TNIK: variants seen among roughly 807,000 people sequenced by gnomAD.
The protein encoded by TNIK is TRAF2 and NCK interacting kinase.
In TNIK, 49 loss-of-function variants were observed where a neutral mutation model predicts 191.3. That is an observed-to-expected ratio of 0.26 (90% confidence interval 0.20 to 0.32). TNIK has a LOEUF of 0.32. Ranked by LOEUF, TNIK falls within the 10% of genes least tolerant of loss-of-function variation. The pLI, the probability that TNIK is intolerant of heterozygous loss-of-function variation, is 1.00. For synonymous variants in TNIK, 594 were observed against 600.9 expected, an observed-to-expected ratio of 0.99 and a Z score of 0.17; for missense variants, 1,155 against 1,702.3, an observed-to-expected ratio of 0.68 and a Z score of 5.66.
chr3:171,327,002 A>C (rs1755845503), intron 2 of TNIK, among the ~76,000 whole-genome samples: 1 of 152,214 alleles, frequency 6.6e-6, no homozygotes, highest in Admixed American at 6.5e-5. Flanking sequence ...CAATAATGCA[A>C]GAAGCATTGT....
At chr3:171,192,446 C>T (rs1020158396) in intron 5 of TNIK, among the ~76,000 whole-genome samples, 6 of 152,142 alleles carry the variant, frequency 3.9e-5, no homozygotes, top group African/African-American at 1.4e-4. Flanking sequence ...AATGTCTCTT[C>T]CAGTGAGTCA....
At chr3:171,273,570 G>A (rs776752617) in intron 2 of TNIK, among the ~76,000 whole-genome samples, 76 of 152,076 alleles carry the variant, frequency 5.0e-4, no homozygotes, top group Admixed American at 3.8e-3. Context: ...GTATTTTCAC[G>A]CATGGATAGT....
chr3:171,141,634 C>T (rs904605400), intron 12 of TNIK, among the ~76,000 whole-genome samples: 27 of 151,986 alleles, frequency 1.8e-4, no homozygotes, highest in African/African-American at 6.5e-4. Context: ...TGGCATTTAC[C>T]ATGAGAGGCT....
chr3:171,199,353 C>T (rs1739129956), intron 4 of TNIK, among the ~76,000 whole-genome samples: 1 of 152,178 alleles, frequency 6.6e-6, no homozygotes, highest in Non-Finnish European at 1.5e-5. Context: ...CAGAGCTCAA[C>T]ATGCCAAGCT....
intron 1 of TNIK, among the ~76,000 whole-genome samples, chr3:171,389,006 T>C (rs1047374024): frequency 5.5e-4 from 84 of 152,366 alleles, no homozygotes; most frequent in African/African-American, 2.0e-3. Flanking sequence ...GTATACTTAC[T>C]ATGTGCTAAG....
intron 16 of TNIK, among the ~76,000 whole-genome samples, chr3:171,128,218 C>T (rs549120811): frequency 1.4e-4 from 21 of 152,210 alleles, no homozygotes; most frequent in Non-Finnish European, 2.2e-4. Flanking sequence ...CTATCAAGTT[C>T]CTGGGTGATG....
intron 18 of TNIK, among the ~76,000 whole-genome samples, chr3:171,123,340 G>A (rs760261910): frequency 3.9e-5 from 6 of 152,160 alleles, no homozygotes; most frequent in East Asian, 3.8e-4. Context: ...AAAACTGTCC[G>A]CTAAGGTACA....
chr3:171,155,716 G>C (rs1258672635), intron 12 of TNIK, among the ~76,000 whole-genome samples: 1 of 152,238 alleles, frequency 6.6e-6, no homozygotes, highest in Non-Finnish European at 1.5e-5. Flanking sequence ...TCAAAGGCGA[G>C]CATCTGTTGG....
chr3:171,320,168 G>T (rs565383062), intron 2 of TNIK, among the ~76,000 whole-genome samples: 1 of 152,122 alleles, frequency 6.6e-6, no homozygotes, highest in African/African-American at 2.4e-5. Flanking sequence ...ACCCTTCCAC[G>T]TTGGCCTATT....
chr3:171,253,281 C>CAAA (rs5854409), intron 2 of TNIK, among the ~76,000 whole-genome samples: 10 of 136,014 alleles, frequency 7.4e-5, no homozygotes, highest in African/African-American at 2.8e-4. Flanking sequence ...AAGACTGTCT[C>CAAA]AAAAAAAAAA....
intron 1 of TNIK, among the ~76,000 whole-genome samples, chr3:171,406,073 G>A (rs1178163930): frequency 6.6e-6 from 1 of 152,154 alleles, no homozygotes; most frequent in East Asian, 1.9e-4. Context: ...ATATAGGTAG[G>A]TAAGCATATA....
Position 171,085,122 on chromosome 3 carries a change from G to A in TNIK, c.2994C>T (p.Ala998=), listed in dbSNP as rs368574578. Reference sequence around the variant, plus strand: ...CACAGGGCCCTTCTTGCTTACCTGCGGCTGATGATTCCTCATCCTCTTCAT... The same window carrying A: ...CACAGGGCCCTTCTTGCTTACCTGCAGCTGATGATTCCTCATCCTCTTCAT... ...DEDEEDEESS[A]AALFTSELLR... The change falls in exon 25 of 33, where the codon GCC becomes GCT. Residue 998 remains alanine, a synonymous_variant. Coordinates refer to ENST00000436636, the MANE Select transcript of TNIK (RefSeq NM_015028.4). 4.4e-5 allele frequency: 71 copies of A among 1,606,006 alleles called. No individual in the cohort carries two copies. The highest frequency in any genetic ancestry group is 3.8e-4 in the South Asian group (34 of 89,030).
chr3:171,388,546 T>G (rs575654949), intron 1 of TNIK, among the ~76,000 whole-genome samples: 3 of 152,206 alleles, frequency 2.0e-5, no homozygotes, highest in Non-Finnish European at 2.9e-5. Flanking sequence ...CCTAGTGTCT[T>G]GGGGATGAAC....
intron 22 of TNIK, among the ~76,000 whole-genome samples, chr3:171,096,452 A>C (rs1722728209): frequency 1.3e-5 from 2 of 152,192 alleles, no homozygotes; most frequent in East Asian, 3.9e-4. Flanking sequence ...GCTCTCCATT[A>C]TCTAGTTCTT....
intron 12 of TNIK, among the ~76,000 whole-genome samples, chr3:171,150,507 A>G (rs1732297514): frequency 1.3e-5 from 2 of 152,172 alleles, no homozygotes; most frequent in South Asian, 4.1e-4. Flanking sequence ...TTCCTTATGA[A>G]CTTTATTTAG....
chr3:171,240,932 G>A (rs1744890034), intron 2 of TNIK, among the ~76,000 whole-genome samples: 1 of 152,090 alleles, frequency 6.6e-6, no homozygotes, highest in South Asian at 2.1e-4. Flanking sequence ...GCAGATCAGT[G>A]CCCGCATGGT....
rs1717828760 is a variant in TNIK, at chr3:171,061,509, C to G, written c.*2372G>C. The G allele has an allele frequency of 6.6e-6, 1 of 152,104 alleles. No homozygotes were observed. Among genetic ancestry groups the G allele is most frequent in the Non-Finnish European group, 1.5e-5 (1 of 68,024 alleles). The allele number at this position is 152,104 out of a possible 1,614,324, so 9.4% of individuals were successfully genotyped here. ...TCACAAACTACCTTATGTTTAAACACAATGATTCCCTTTTATTTCTTAACT... is the reference window on the plus strand; with the variant it reads ...TCACAAACTACCTTATGTTTAAACAGAATGATTCCCTTTTATTTCTTAACT... On this transcript the variant is annotated 3_prime_UTR_variant, in exon 33 of 33. Coordinates refer to ENST00000436636, the MANE Select transcript of TNIK (RefSeq NM_015028.4).
chr3:171,454,492 C>T (rs1322884811), intron 1 of TNIK, among the ~76,000 whole-genome samples: 1 of 152,146 alleles, frequency 6.6e-6, no homozygotes. Context: ...ATTATGCAAA[C>T]AGCAAACCAT....
intron 22 of TNIK, among the ~76,000 whole-genome samples, chr3:171,098,081 G>C (rs1220574308): frequency 6.6e-6 from 1 of 151,662 alleles, no homozygotes; most frequent in Non-Finnish European, 1.5e-5. Context: ...CACTCCTCAA[G>C]TGTGGGCTGT....
Sources: gnomAD v4.1 joint callset for allele counts (sites outside exome capture counted in the v4.1 genomes callset) on GRCh38, gnomAD v4.1.1 for gene constraint, MANE v1.5 for transcripts, NCBI Gene and HGNC (gene_info 2026-07-23, HGNC 2026-07-21) for gene names.